The following MAP3K1 variants were observed in gnomAD, a reference collection of about 807,000 sequenced individuals.
MAP3K1 encodes MAP/ERK kinase kinase 1.
In MAP3K1, 36 loss-of-function variants were observed where a neutral mutation model predicts 144.2. The ratio of observed to expected loss-of-function variants is 0.25; its 90% CI spans 0.19 to 0.33. The LOEUF (loss-of-function observed/expected upper bound fraction) is 0.33. MAP3K1 is among the 10% of genes least tolerant of loss of function. The probability of loss-of-function intolerance (pLI) is 1.00; values close to 1 mark genes in which losing one functional copy is unlikely to be tolerated. For synonymous variants in MAP3K1, 718 were observed against 688.7 expected (o/e 1.04, Z -0.67); for missense variants, 1,650 against 1,881.9 (o/e 0.88, Z 2.28).
intron 1 of MAP3K1, among the ~76,000 whole-genome samples, chr5:56,828,993 A>C (rs1746402357): frequency 6.6e-6 from 1 of 152,100 alleles, no homozygotes; most frequent in Non-Finnish European, 1.5e-5. Flanking sequence ...ATTTGGATAG[A>C]GTTGACAGCT....
chr5:56,872,299 C>A (rs1049244219), intron 7 of MAP3K1, among the ~76,000 whole-genome samples: 1 of 152,080 alleles, frequency 6.6e-6, no homozygotes, highest in East Asian at 1.9e-4. Flanking sequence ...CAATTTCAAT[C>A]TGGAAGGTAT....
intron 9 of MAP3K1, 44 bp from the exon 10 acceptor site, chr5:56,874,988 T>C: frequency 6.2e-7 from 1 of 1,606,178 alleles, no homozygotes. Flanking sequence ...TCTGGGTCCA[T>C]AAGCTTTTCT....
chr5:56,816,051 G>C lies in MAP3K1; in HGVS notation c.478G>C (p.Ala160Pro). The change falls in exon 1 of 20, where the codon GCC (alanine) becomes CCC (proline). Residue 160 changes from alanine to proline, a missense_variant. Coordinates refer to ENST00000399503, the MANE Select transcript of MAP3K1 (RefSeq NM_005921.2). Reference sequence around the variant, plus strand: ...CGAGCCGTCTCCTGCAGCGGCCCCCGCCGGGTGAGCAGCACGGCCGGGGTC... The same window carrying C: ...CGAGCCGTCTCCTGCAGCGGCCCCCCCCGGGTGAGCAGCACGGCCGGGGTC... ...AAEPSPAAAP[A>P]GREMENKETL... The C allele has an allele frequency of 8.3e-7, 1 of 1,210,022 alleles. No homozygotes were observed. The highest frequency in any genetic ancestry group is 1.0e-6 in the Non-Finnish European group (1 of 975,370). 75.0% of individuals were successfully genotyped at this position (1,210,022 alleles called of 1,614,324 possible).
chr5:56,844,871 C>T (rs1176434942), intron 1 of MAP3K1, among the ~76,000 whole-genome samples: 1 of 152,174 alleles, frequency 6.6e-6, no homozygotes, highest in Non-Finnish European at 1.5e-5. Context: ...AGAAGAAAAG[C>T]TGCATTTGTC....
intron 18 of MAP3K1, chr5:56,887,831 T>C: frequency 2.3e-6 from 1 of 440,814 alleles, no homozygotes; most frequent in Non-Finnish European, 4.2e-6. Context: ...AAATATTCTC[T>C]CTCTATTCTA....
rs1343250430 is a variant in MAP3K1 at position 56,895,943 on chromosome 5, T to C, written c.*2263T>C. ...GATTTCCAGGGCTTAAGGGCTAACT[T>C]CTATTAGCACCTTACTGTGTAAGCA... On this transcript the variant is annotated 3_prime_UTR_variant, in exon 20 of 20. Coordinates refer to ENST00000399503, the MANE Select transcript of MAP3K1 (RefSeq NM_005921.2). The C allele has an allele frequency of 3.6e-5, 8 of 225,166 alleles. No individual in the cohort carries two copies. Among genetic ancestry groups the C allele is most frequent in the Admixed American group, 2.9e-4 (5 of 17,184 alleles). 13.9% of individuals were successfully genotyped at this position (225,166 alleles called of 1,614,324 possible).
chr5:56,849,934 T>C (rs1478553390), intron 1 of MAP3K1, among the ~76,000 whole-genome samples: 1 of 152,228 alleles, frequency 6.6e-6, no homozygotes, highest in Non-Finnish European at 1.5e-5. Context: ...AACATGTAAC[T>C]GAACCTCCCA....
At chr5:56,841,391 G>A (rs1010446570) in intron 1 of MAP3K1, among the ~76,000 whole-genome samples, 11 of 152,044 alleles carry the variant, frequency 7.2e-5, no homozygotes, top group Admixed American at 3.9e-4. Flanking sequence ...GTGAATATTG[G>A]AGGAGTCTAA....
At position 56,894,980 on chromosome 5, in the gene MAP3K1, T is replaced by C. The variant is rs1262878253; in HGVS notation, c.*1300T>C. 1 of 231,938 alleles carries C rather than the reference T, an allele frequency of 4.3e-6. No individual in the cohort carries two copies. Among genetic ancestry groups the C allele is most frequent in the African/African-American group, 2.2e-5 (1 of 45,318 alleles). The allele number at this position is 231,938 out of a possible 1,614,324, so 14.4% of individuals were successfully genotyped here. ...AGGAAAATGGTAGCTTTTTAATCTT[T>C]TTGTGTGTGTGTGAGTCTTTTAAAT... On this transcript the variant is annotated 3_prime_UTR_variant, in exon 20 of 20. Coordinates refer to ENST00000399503, the MANE Select transcript of MAP3K1 (RefSeq NM_005921.2).
intron 1 of MAP3K1, among the ~76,000 whole-genome samples, chr5:56,849,442 C>G (rs1401355161): frequency 2.5e-4 from 38 of 151,850 alleles, no homozygotes; most frequent in Admixed American, 2.5e-3. Context: ...GTGCCTGTTT[C>G]TTGTTATAAA....
intron 6 of MAP3K1, among the ~76,000 whole-genome samples, chr5:56,868,205 G>A (rs1288123924): frequency 2.6e-5 from 4 of 152,020 alleles, no homozygotes; most frequent in East Asian, 3.9e-4. Flanking sequence ...ATAAATGAAC[G>A]GGATGGCTAT....
chr5:56,875,235 T>C lies in MAP3K1; in HGVS notation c.1890T>C (p.Asp630=). ...SGSSQTSISG[D]VVEACCSVLS... ...CTTCCCAGACCAGTATCTCAGGAGA[T>C]GTGGTGGAGGCATGCTGCAGCGTTC... The change falls in exon 10 of 20, where the codon GAT becomes GAC. Residue 630 remains aspartate (D), a synonymous_variant. Coordinates refer to ENST00000399503, the MANE Select transcript of MAP3K1 (RefSeq NM_005921.2). 1 of 1,614,070 alleles carries C rather than the reference T, an allele frequency of 6.2e-7. No homozygotes were observed. The highest frequency in any genetic ancestry group is 8.5e-7 in the Non-Finnish European group (1 of 1,179,984).
At chr5:56,859,463 A>G (rs989883333) in intron 2 of MAP3K1, among the ~76,000 whole-genome samples, 2 of 152,188 alleles carry the variant, frequency 1.3e-5, no homozygotes, top group African/African-American at 4.8e-5. Flanking sequence ...TTTTGTATGC[A>G]TTACAAAATT....
At chr5:56,871,161 A>G (rs1747838707) in intron 6 of MAP3K1, among the ~76,000 whole-genome samples, 1 of 152,186 alleles carries the variant, frequency 6.6e-6, no homozygotes, top group South Asian at 2.1e-4. Context: ...CATAAATGGA[A>G]TCATCCTATA....
chr5:56,878,866 G>A, intron 10 of MAP3K1, 114 bp from the exon 11 acceptor site: 2 of 854,234 alleles, frequency 2.3e-6, no homozygotes, highest in Non-Finnish European at 3.9e-6. Flanking sequence ...TTATTCTATG[G>A]GTTATAATCC....
intron 19 of MAP3K1, among the ~76,000 whole-genome samples, chr5:56,891,910 CAGTACCATGCTGTTTTGGTTACTGT>C (rs765676042): frequency 1.1e-4 from 16 of 152,170 alleles, no homozygotes; most frequent in Non-Finnish European, 2.1e-4. Flanking sequence ...GTTTTGGCAC[CAGTACCATGCTGTTTTGGTTACTGT>C]AGCCTTGTAG....
intron 1 of MAP3K1, among the ~76,000 whole-genome samples, chr5:56,844,187 T>TG: frequency 7.7e-6 from 1 of 129,448 alleles, no homozygotes; most frequent in African/African-American, 2.9e-5. Flanking sequence ...TTTTTGGTTT[T>TG]TTTTTTTTTT....
chr5:56,882,964 GGATTGCTT>G (rs1748271970), intron 14 of MAP3K1, 98 bp downstream of exon 14: 1 of 960,646 alleles, frequency 1.0e-6, no homozygotes, highest in African/African-American at 1.6e-5. Context: ...TGAGGCCGAA[GGATTGCTT>G]GAGCACAGGA....
intron 1 of MAP3K1, among the ~76,000 whole-genome samples, chr5:56,845,897 G>T (rs1428960463): frequency 6.6e-6 from 1 of 152,216 alleles, no homozygotes; most frequent in South Asian, 2.1e-4. Flanking sequence ...CCTCTGTTGG[G>T]TGCTCAGAAC....
Sources: allele counts gnomAD v4.1 joint callset (sites outside exome capture counted in the v4.1 genomes callset), GRCh38; gene constraint gnomAD v4.1.1; transcripts MANE v1.5; gene names NCBI Gene and HGNC (gene_info 2026-07-23, HGNC 2026-07-21).